BMPR1B: variants seen among roughly 807,000 people sequenced by gnomAD.
BMPR1B encodes bone morphogenetic protein receptor type 1B.
BMPR1B carries 12 observed loss-of-function variants against 59.1 expected under a neutral mutation model. The ratio of observed to expected loss-of-function variants is 0.20; its 90% CI spans 0.13 to 0.33. The LOEUF (loss-of-function observed/expected upper bound fraction) is 0.33, where lower values mean the gene tolerates loss of function less well. Among genes scored for constraint, BMPR1B ranks in the 10% least tolerant of loss-of-function variants. The pLI is 1.00. For missense variants in BMPR1B, 550 were observed against 610.9 expected (o/e 0.90, Z 1.05); for synonymous variants, 237 against 207.3 (o/e 1.14, Z -1.23).
chr4:95,098,265 G>C (rs1163575404), intron 3 of BMPR1B, among the ~76,000 whole-genome samples: 1 of 151,866 alleles, frequency 6.6e-6, no homozygotes, highest in African/African-American at 2.4e-5. Flanking sequence ...ATAATTACCA[G>C]GCAAATTCAT....
intron 3 of BMPR1B, among the ~76,000 whole-genome samples, chr4:95,015,764 C>T (rs1171760427): frequency 6.6e-6 from 1 of 151,616 alleles, no homozygotes; most frequent in East Asian, 1.9e-4. Context: ...ACGGTCTCGG[C>T]TCACTGCAAC....
chr4:95,062,558 A>C (rs1727478246), intron 3 of BMPR1B, among the ~76,000 whole-genome samples: 1 of 152,166 alleles, frequency 6.6e-6, no homozygotes, highest in Non-Finnish European at 1.5e-5. Flanking sequence ...CTAAAATGTT[A>C]ATCTAAAGAG....
At chr4:95,067,170 C>T (rs1334913622) in intron 3 of BMPR1B, among the ~76,000 whole-genome samples, 1 of 152,016 alleles carries the variant, frequency 6.6e-6, no homozygotes, top group African/African-American at 2.4e-5. Context: ...CTTTGTATGC[C>T]ATTTTATTCC....
intron 3 of BMPR1B, among the ~76,000 whole-genome samples, chr4:95,071,632 TTGTGTGTGTGTGTG>T (rs71912877): frequency 8.5e-6 from 1 of 118,204 alleles, no homozygotes; most frequent in Non-Finnish European, 1.7e-5. Flanking sequence ...ATATGTGTGT[TTGTGTGTGTGTGTG>T]TGTGTGTATA....
intron 1 of BMPR1B, among the ~76,000 whole-genome samples, chr4:94,791,360 C>T (rs908978262): frequency 6.6e-6 from 1 of 152,054 alleles, no homozygotes; most frequent in African/African-American, 2.4e-5. Context: ...ATTGTTATTT[C>T]CATGGAGCCT....
At chr4:95,039,496 T>A (rs1455283893) in intron 3 of BMPR1B, among the ~76,000 whole-genome samples, 2 of 151,704 alleles carry the variant, frequency 1.3e-5, no homozygotes, top group African/African-American at 4.9e-5. Flanking sequence ...AAGTTTTCCA[T>A]GTGTAGAATC....
At chr4:94,871,943 C>T (rs1197637528) in intron 1 of BMPR1B, among the ~76,000 whole-genome samples, 1 of 152,198 alleles carries the variant, frequency 6.6e-6, no homozygotes. Context: ...CATGTTGTAA[C>T]ACTTTTCTGT....
intron 1 of BMPR1B, among the ~76,000 whole-genome samples, chr4:94,771,551 T>G (rs1722186495): frequency 6.6e-6 from 1 of 152,178 alleles, no homozygotes; most frequent in African/African-American, 2.4e-5. Context: ...GGGTTATCAA[T>G]CATATCCTGA....
intron 2 of BMPR1B, among the ~76,000 whole-genome samples, chr4:94,928,844 C>G (rs1728987325): frequency 6.6e-6 from 1 of 152,010 alleles, no homozygotes; most frequent in African/African-American, 2.4e-5. Context: ...TTATGTCATA[C>G]AGAATCTATG....
rs879455247 is a variant in BMPR1B, at chr4:95,026,118, C to CTTTCTTTT, written c.-18+29991_-18+29992insTTTTCTTT. Among the ~76,000 whole-genome samples, 254 of 143,426 alleles carry CTTTCTTTT rather than the reference C, an allele frequency of 1.8e-3. 3 individuals carry two copies. Among genetic ancestry groups the CTTTCTTTT allele is most frequent in the Admixed American group, 2.3e-3 (32 of 14,078 alleles). The allele number at this position is 143,426 out of a possible 152,430, so 94.1% of individuals were successfully genotyped here. On this transcript the variant is annotated intron_variant, in intron 3 of 12. Coordinates refer to ENST00000515059, the MANE Select transcript of BMPR1B (RefSeq NM_001203.3). ...CTTTCATTTCTTTCTTTCTTTCTTT[C>CTTTCTTTT]TTTCTTTCTTTCTTTCTTTCTTTCT...
chr4:94,950,315 G>A (rs190090713), intron 2 of BMPR1B, among the ~76,000 whole-genome samples: 3,256 of 151,962 alleles, frequency 0.021, 128 homozygotes, highest in African/African-American at 0.074. Context: ...GTCAATGTTG[G>A]CTTTTTTTTT....
intron 3 of BMPR1B, among the ~76,000 whole-genome samples, chr4:95,010,273 C>T (rs1240764688): frequency 1.3e-5 from 2 of 152,140 alleles, no homozygotes; most frequent in Non-Finnish European, 2.9e-5. Flanking sequence ...CTGTGTCATT[C>T]CTGGAAGCTA....
At chr4:94,959,163 C>T (rs532728406) in intron 2 of BMPR1B, among the ~76,000 whole-genome samples, 18 of 152,014 alleles carry the variant, frequency 1.2e-4, no homozygotes, top group African/African-American at 3.4e-4. Context: ...TGGAGGGGGA[C>T]GCAGAAAGAA....
At chr4:94,931,567 T>C (rs892611688) in intron 2 of BMPR1B, among the ~76,000 whole-genome samples, 4 of 152,142 alleles carry the variant, frequency 2.6e-5, no homozygotes, top group African/African-American at 9.7e-5. Context: ...TCTTCAATTA[T>C]ATCAGCTGCT....
At chr4:94,873,593 A>G (rs1337694406) in intron 1 of BMPR1B, among the ~76,000 whole-genome samples, 1 of 151,996 alleles carries the variant, frequency 6.6e-6, no homozygotes, top group Non-Finnish European at 1.5e-5. Context: ...TTTCTTTAGT[A>G]GAGATGGGGT....
At chr4:95,151,969 C>A (rs914560602) in intron 11 of BMPR1B, among the ~76,000 whole-genome samples, 1 of 152,106 alleles carries the variant, frequency 6.6e-6, no homozygotes, top group South Asian at 2.1e-4. Context: ...GTTTAGTGTG[C>A]ATTTTTATGA....
chr4:94,970,327 T>C (rs1438087295), intron 2 of BMPR1B, among the ~76,000 whole-genome samples: 3 of 150,278 alleles, frequency 2.0e-5, no homozygotes, highest in Admixed American at 6.6e-5. Context: ...TTTCTCTCTT[T>C]TTCTCTTTCG....
At chr4:94,958,892 G>A (rs1256879400) in intron 2 of BMPR1B, among the ~76,000 whole-genome samples, 2 of 151,354 alleles carry the variant, frequency 1.3e-5, no homozygotes, top group Non-Finnish European at 2.9e-5. Context: ...GAATGAGGAT[G>A]GTAATGCAAG....
intron 7 of BMPR1B, among the ~76,000 whole-genome samples, chr4:95,124,297 T>G (rs1215232617): frequency 1.3e-5 from 2 of 152,096 alleles, no homozygotes; most frequent in Middle Eastern, 3.2e-3. Flanking sequence ...TTAAACATAA[T>G]TTATAGATTA....
Sources: gnomAD v4.1 joint callset for allele counts (sites outside exome capture counted in the v4.1 genomes callset) on GRCh38, gnomAD v4.1.1 for gene constraint, MANE v1.5 for transcripts, NCBI Gene and HGNC (gene_info 2026-07-23, HGNC 2026-07-21) for gene names.